The following DACH1 variants were observed in gnomAD, a reference collection of about 807,000 sequenced individuals.
The protein encoded by DACH1 is dachshund family transcription factor 1.
In DACH1, 12 loss-of-function variants were observed where a neutral mutation model predicts 54.2. The ratio of observed to expected loss-of-function variants is 0.22; its 90% CI spans 0.14 to 0.36. The LOEUF (loss-of-function observed/expected upper bound fraction) is 0.36, where lower values mean the gene tolerates loss of function less well. DACH1 is among the 10% of genes least tolerant of loss of function. The probability of loss-of-function intolerance (pLI) is 1.00; values close to 1 mark genes in which losing one functional copy is unlikely to be tolerated. For missense variants in DACH1, 805 were observed against 929.8 expected (o/e 0.87, Z 1.75); for synonymous variants, 386 against 366.2 (o/e 1.05, Z -0.62).
intron 1 of DACH1, among the ~76,000 whole-genome samples, chr13:71,772,294 A>G (rs1885890346): frequency 6.6e-6 from 1 of 151,716 alleles, no homozygotes; most frequent in Non-Finnish European, 1.5e-5. Context: ...AAGCAACAAA[A>G]TCACACTTTT....
chr13:71,440,829 A>G (rs1873948171), intron 10 of DACH1, 137 bp from the exon 11 acceptor site: 1 of 635,004 alleles, frequency 1.6e-6, no homozygotes. Context: ...CATTTTTCAT[A>G]TCTTCTCAAA....
chr13:71,536,858 C>A (rs557984853), intron 6 of DACH1, among the ~76,000 whole-genome samples: 2 of 152,230 alleles, frequency 1.3e-5, no homozygotes, highest in African/African-American at 4.8e-5. Flanking sequence ...TTTCTCTCCA[C>A]TTTAATTGCC....
chr13:71,505,545 A>C (rs1056452525), intron 6 of DACH1, among the ~76,000 whole-genome samples: 4 of 151,962 alleles, frequency 2.6e-5, no homozygotes, highest in African/African-American at 9.7e-5. Flanking sequence ...CCACACATAC[A>C]CTTAGTTACA....
At chr13:71,476,343 T>C (rs1197855790) in intron 8 of DACH1, among the ~76,000 whole-genome samples, 1 of 152,206 alleles carries the variant, frequency 6.6e-6, no homozygotes, top group Non-Finnish European at 1.5e-5. Context: ...ACCAACTCAG[T>C]TTTTAATAAT....
intron 1 of DACH1, among the ~76,000 whole-genome samples, chr13:71,791,741 G>A (rs147006846): frequency 8.5e-5 from 13 of 152,056 alleles, no homozygotes; most frequent in African/African-American, 3.1e-4. Context: ...CAGTTAAATG[G>A]GATTATAATA....
intron 1 of DACH1, among the ~76,000 whole-genome samples, chr13:71,806,447 T>C (rs1887506942): frequency 6.6e-6 from 1 of 152,166 alleles, no homozygotes; most frequent in Non-Finnish European, 1.5e-5. Flanking sequence ...AAGCTGACAA[T>C]TTCTTTTTTT....
At chr13:71,607,939 G>A (rs1447088652) in intron 3 of DACH1, among the ~76,000 whole-genome samples, 1 of 151,948 alleles carries the variant, frequency 6.6e-6, no homozygotes, top group Non-Finnish European at 1.5e-5. Context: ...AGATACTGAT[G>A]CCCAGAACGC....
At chr13:71,656,780 A>AAG (rs1555307049) in intron 2 of DACH1, among the ~76,000 whole-genome samples, 1 of 149,826 alleles carries the variant, frequency 6.7e-6, no homozygotes, top group Non-Finnish European at 1.5e-5. Flanking sequence ...TTCAAGTCAG[A>AAG]ATATATATAT....
At chr13:71,745,131 T>G (rs1884550689) in intron 1 of DACH1, among the ~76,000 whole-genome samples, 1 of 152,224 alleles carries the variant, frequency 6.6e-6, no homozygotes, top group Non-Finnish European at 1.5e-5. Context: ...TATAAAGGGT[T>G]GTTTTCATTC....
chr13:71,491,215 T>C (rs913513808), intron 6 of DACH1, among the ~76,000 whole-genome samples: 1 of 152,154 alleles, frequency 6.6e-6, no homozygotes, highest in East Asian at 1.9e-4. Context: ...GATCAAATGC[T>C]AAAAACACAA....
At chr13:71,672,345 T>C (rs1193548119) in intron 2 of DACH1, among the ~76,000 whole-genome samples, 1 of 152,168 alleles carries the variant, frequency 6.6e-6, no homozygotes, top group Non-Finnish European at 1.5e-5. Context: ...CAAGGTTTTT[T>C]ATAAACACTA....
chr13:71,479,410 A>G (rs1411237159), intron 7 of DACH1, 94 bp from the exon 8 acceptor site: 2 of 1,253,798 alleles, frequency 1.6e-6, no homozygotes, highest in East Asian at 4.7e-5. Context: ...GAACCCAGTG[A>G]TCAAATGACC....
chr13:71,864,420 T>G (rs953960157), intron 1 of DACH1, among the ~76,000 whole-genome samples: 2 of 152,132 alleles, frequency 1.3e-5, no homozygotes, highest in African/African-American at 2.4e-5. Context: ...GAGCTAGCGC[T>G]TTTTCAACCC....
intron 10 of DACH1, among the ~76,000 whole-genome samples, chr13:71,468,371 C>T (rs1194228845): frequency 6.6e-6 from 1 of 152,020 alleles, no homozygotes; most frequent in East Asian, 1.9e-4. Context: ...TAAGCTATTG[C>T]TAAAGGGGTG....
In DACH1 at chr13:71,488,019, A is replaced by C. The variant is rs182582024; in HGVS notation, c.1722+978T>G. The stretch of plus-strand genomic sequence containing the variant: ...TTCTGGAGACTCTAATTACATTAGT[A>C]TTAAAAAATGCCATATTAATAGATG... On this transcript the variant is annotated intron_variant, in intron 7 of 10. Transcript: ENST00000613252. Among the ~76,000 whole-genome samples the C allele has an allele frequency of 4.4e-3, 674 of 152,302 alleles. 4 individuals are homozygous for C. Among genetic ancestry groups the C allele is most frequent in the Non-Finnish European group, 7.5e-3 (512 of 68,020 alleles).
In DACH1 at chr13:71,557,157, C is replaced by T. The variant is rs368798031; in HGVS notation, c.1437G>A (p.Pro479=). The change falls in exon 6 of 11, where the codon CCG becomes CCA. Residue 479 remains proline, a splice_region_variant and synonymous_variant. Coordinates refer to ENST00000613252, the MANE Select transcript of DACH1 (RefSeq NM_080759.6). ...TCATGGACAACCCATTCTGATGGACCGCTATTATGGCCCAAAAGAAAACAA... is the reference window on the plus strand; with the variant it reads ...TCATGGACAACCCATTCTGATGGACTGCTATTATGGCCCAAAAGAAAACAA... ...ARTESSSDRI[P]VHQNGLSMNQ... 9 of 1,599,148 alleles carry T rather than the reference C, an allele frequency of 5.6e-6. No individual in the cohort carries two copies. Among genetic ancestry groups the T allele is most frequent in the African/African-American group, 5.4e-5 (4 of 73,768 alleles).
chr13:71,677,064 T>C (rs1880616142), intron 2 of DACH1, among the ~76,000 whole-genome samples: 2 of 152,224 alleles, frequency 1.3e-5, no homozygotes, highest in South Asian at 4.1e-4. Context: ...CATACTGACT[T>C]AAAGATGAAA....
chr13:71,763,801 G>T (rs1280864952), intron 1 of DACH1, among the ~76,000 whole-genome samples: 1 of 152,172 alleles, frequency 6.6e-6, no homozygotes, highest in African/African-American at 2.4e-5. Context: ...CACATGCTCA[G>T]CAGAAAACAC....
At position 71,457,049 on chromosome 13, in the gene DACH1, T is replaced by A. The variant is rs577239662; in HGVS notation, c.2084-16357A>T. Among the ~76,000 whole-genome samples the A allele has an allele frequency of 4.6e-5, 7 of 152,196 alleles. No individual in the cohort carries two copies. In the East Asian group the frequency reaches 1.4e-3, roughly 29 times the overall value. Reference sequence around the variant, plus strand: ...TGTGATAAATCGGGACACTATTACATGAGCACGTTTTTCTTTATTTACCAA... The same window carrying A: ...TGTGATAAATCGGGACACTATTACAAGAGCACGTTTTTCTTTATTTACCAA... On this transcript the variant is annotated intron_variant, in intron 10 of 10. Transcript: ENST00000613252.
Sources: gnomAD v4.1 joint callset for allele counts (sites outside exome capture counted in the v4.1 genomes callset) on GRCh38, gnomAD v4.1.1 for gene constraint, MANE v1.5 for transcripts, NCBI Gene and HGNC (gene_info 2026-07-23, HGNC 2026-07-21) for gene names.